The following ATP2B2 variants were observed in gnomAD, a reference collection of about 807,000 sequenced individuals.
ATP2B2 encodes the protein ATPase plasma membrane Ca2+ transporting 2.
ATP2B2 carries 15 observed loss-of-function variants against 120.0 expected under a neutral mutation model. The observed-to-expected ratio is 0.12, with a 90% confidence interval of 0.08 to 0.19. The LOEUF (loss-of-function observed/expected upper bound fraction) is 0.19. Among genes scored for constraint, ATP2B2 ranks in the 10% least tolerant of loss-of-function variants. ATP2B2 has a pLI of 1.00. For synonymous variants in ATP2B2, 694 were observed against 700.3 expected (o/e 0.99, Z 0.14); for missense variants, 1,045 against 1,719.8 (o/e 0.61, Z 6.94).
At chr3:10,472,617 C>G (rs560231892) in intron 1 of ATP2B2, among the ~76,000 whole-genome samples, 31 of 152,332 alleles carry the variant, frequency 2.0e-4, no homozygotes, top group Middle Eastern at 3.4e-3. Flanking sequence ...AAACTGTCTC[C>G]CCGAAATCCA....
intron 2 of ATP2B2, among the ~76,000 whole-genome samples, chr3:10,615,620 G>C (rs1005195948): frequency 6.6e-6 from 1 of 152,132 alleles, no homozygotes; most frequent in African/African-American, 2.4e-5. Context: ...GGTCCACAGA[G>C]GTGAAGCTTT....
intron 5 of ATP2B2, among the ~76,000 whole-genome samples, chr3:10,391,701 C>G (rs1241589960): frequency 6.6e-6 from 1 of 152,120 alleles, no homozygotes; most frequent in Non-Finnish European, 1.5e-5. Context: ...GGGGCATCTA[C>G]AATCCCCAGT....
chr3:10,690,601 T>G (rs1223424445), intron 1 of ATP2B2, among the ~76,000 whole-genome samples: 1 of 152,302 alleles, frequency 6.6e-6, no homozygotes, highest in African/African-American at 2.4e-5. Flanking sequence ...TTCCTTTTGA[T>G]GATTAAACGG....
At chr3:10,530,976 G>A (rs1045662836) in intron 3 of ATP2B2, among the ~76,000 whole-genome samples, 2 of 152,144 alleles carry the variant, frequency 1.3e-5, no homozygotes, top group Non-Finnish European at 1.5e-5. Context: ...TTCCATAAAC[G>A]TTTTCTGACT....
intron 2 of ATP2B2, among the ~76,000 whole-genome samples, chr3:10,551,567 C>T (rs1448811741): frequency 6.6e-6 from 1 of 152,226 alleles, no homozygotes; most frequent in African/African-American, 2.4e-5. Context: ...TTGCTGTAAA[C>T]ATATTTCTAT....
rs1468500899 is a variant in ATP2B2, at chr3:10,670,181, G to A, written c.-460+37734C>T. Among the ~76,000 whole-genome samples the A allele has an allele frequency of 5.9e-5, 9 of 152,198 alleles. No homozygotes were observed. In the South Asian group the frequency reaches 6.2e-4, roughly 10 times the overall value. On this transcript the variant is annotated intron_variant, in intron 1 of 21. Transcript: ENST00000646379. ...AGAGGTCGAGTATGTATTCCAGCAC[G>A]GTAATGATGCCCTCTTTGCTGGGCT...
At chr3:10,470,833 G>A (rs548618265) in intron 1 of ATP2B2, among the ~76,000 whole-genome samples, 149 of 152,132 alleles carry the variant, frequency 9.8e-4, no homozygotes, top group Non-Finnish European at 3.7e-4. Flanking sequence ...CCAGGCCACT[G>A]GACCTGTCCC....
intron 2 of ATP2B2, among the ~76,000 whole-genome samples, chr3:10,535,509 G>T (rs919247237): frequency 2.6e-5 from 4 of 152,036 alleles, no homozygotes; most frequent in African/African-American, 9.7e-5. Flanking sequence ...GCTTCCTTGG[G>T]CTACCCTGTT....
intron 6 of ATP2B2, chr3:10,388,056 A>G (rs769750715): frequency 1.1e-4 from 67 of 589,314 alleles, no homozygotes; most frequent in Non-Finnish European, 1.9e-4. Flanking sequence ...AGGGGCCTCC[A>G]TGACATGATT....
At chr3:10,494,902 A>G (rs2066081078) in intron 1 of ATP2B2, among the ~76,000 whole-genome samples, 1 of 152,250 alleles carries the variant, frequency 6.6e-6, no homozygotes, top group African/African-American at 2.4e-5. Context: ...AGAAAGGAAC[A>G]GTAACTCACT....
chr3:10,439,051 C>T (rs1205072636), intron 2 of ATP2B2, among the ~76,000 whole-genome samples: 1 of 152,216 alleles, frequency 6.6e-6, no homozygotes, highest in Non-Finnish European at 1.5e-5. Context: ...GACTGCTGGG[C>T]CAAGGCCTGG....
intron 1 of ATP2B2, among the ~76,000 whole-genome samples, chr3:10,494,232 C>T (rs932615319): frequency 2.0e-5 from 3 of 152,114 alleles, no homozygotes; most frequent in Non-Finnish European, 4.4e-5. Context: ...CTACTCTGAT[C>T]CCACGACTGC....
rs74721294 is a variant in ATP2B2, at chr3:10,445,986, C to G, written c.199+3359G>C. On this transcript the variant is annotated intron_variant, in intron 2 of 22. Coordinates refer to ENST00000360273, the MANE Select transcript of ATP2B2 (RefSeq NM_001001331.4). ...TCCCTTGGCCCCACCCTATTCAGGC[C>G]TTGTCCTACAGTGGATGCCAGAGGA... Among the ~76,000 whole-genome samples the G allele has an allele frequency of 9.9e-3, 1,501 of 152,298 alleles. 28 individuals carry two copies. The highest frequency in any genetic ancestry group is 0.034 in the African/African-American group (1,418 of 41,576).
At chr3:10,405,307 T>C (rs1436198213) in intron 3 of ATP2B2, among the ~76,000 whole-genome samples, 3 of 152,172 alleles carry the variant, frequency 2.0e-5, no homozygotes, top group Non-Finnish European at 4.4e-5. Context: ...CTGCTGCCCT[T>C]GCTGACTCAA....
intron 14 of ATP2B2, among the ~76,000 whole-genome samples, chr3:10,351,299 A>C (rs2060572587): frequency 6.8e-6 from 1 of 147,990 alleles, no homozygotes; most frequent in Admixed American, 6.7e-5. Flanking sequence ...TTCCCCGAGG[A>C]AACCAGCCTG....
At chr3:10,376,265 G>T (rs537637969) in intron 10 of ATP2B2, among the ~76,000 whole-genome samples, 1 of 152,252 alleles carries the variant, frequency 6.6e-6, no homozygotes, top group Non-Finnish European at 1.5e-5. Flanking sequence ...TGAAGAAAAA[G>T]GCCAGGATGA....
intron 2 of ATP2B2, among the ~76,000 whole-genome samples, chr3:10,591,408 G>T (rs1040109775): frequency 6.6e-6 from 1 of 152,118 alleles, no homozygotes; most frequent in Non-Finnish European, 1.5e-5. Context: ...AAACACACTA[G>T]CTGACCCCCA....
At position 10,466,900 on chromosome 3, in the gene ATP2B2, C is replaced by A. The variant is rs116539210; in HGVS notation, c.-319-17038G>T. Among the ~76,000 whole-genome samples the A allele has an allele frequency of 5.1e-3, 784 of 152,296 alleles. 9 individuals carry two copies. The highest frequency in any genetic ancestry group is 0.018 in the African/African-American group (728 of 41,558). On this transcript the variant is annotated intron_variant, in intron 1 of 22. Transcript: ENST00000360273. ...CATCTCCAGGGGTGACCGTGCAGCT[C>A]ACAATCATGAGCAGAGCATGCGGCC...
intron 2 of ATP2B2, among the ~76,000 whole-genome samples, chr3:10,556,757 C>A (rs566211849): frequency 6.6e-6 from 1 of 152,326 alleles, no homozygotes; most frequent in African/African-American, 2.4e-5. Context: ...TTTAATTACT[C>A]CTATTTATGT....
Sources: allele counts gnomAD v4.1 joint callset (sites outside exome capture counted in the v4.1 genomes callset), GRCh38; gene constraint gnomAD v4.1.1; transcripts MANE v1.5; gene names NCBI Gene and HGNC (gene_info 2026-07-23, HGNC 2026-07-21).